RPP14: variants seen among roughly 807,000 people sequenced by gnomAD.
RPP14 encodes the protein ribonuclease P protein subunit p14.
RPP14 carries 19 observed loss-of-function variants against 17.8 expected under a neutral mutation model. The observed-to-expected ratio is 1.07, with a 90% CI of 0.74 to 1.57. The LOEUF (loss-of-function observed/expected upper bound fraction) is 1.57. RPP14 is among the 40% of genes most tolerant of loss of function. The pLI, the probability that RPP14 is intolerant of heterozygous loss-of-function variation, is 0.00. For synonymous variants in RPP14, 60 were observed against 56.4 expected (o/e 1.06, Z -0.29); for missense variants, 125 against 140.8 (o/e 0.89, Z 0.57).
chr3:58,308,850 C>T (rs1055631279), intron 1 of RPP14, among the ~76,000 whole-genome samples: 1 of 131,854 alleles, frequency 7.6e-6, no homozygotes, highest in African/African-American at 2.7e-5. Context: ...CAGAGAAGAC[C>T]TTCATGAAGA....
intron 3 of RPP14, among the ~76,000 whole-genome samples, chr3:58,313,996 T>G (rs1420284108): frequency 6.6e-6 from 1 of 152,206 alleles, no homozygotes; most frequent in Admixed American, 6.5e-5. Context: ...AGGCTGGCTG[T>G]GGTAAACTAT....
At chr3:58,313,525 C>CT (rs1277261712) in intron 3 of RPP14, among the ~76,000 whole-genome samples, 1 of 152,158 alleles carries the variant, frequency 6.6e-6, no homozygotes, top group African/African-American at 2.4e-5. Flanking sequence ...GCAAAAGACT[C>CT]TTAAGAGGAT....
In RPP14 at chr3:58,318,251, A is replaced by G; in HGVS notation, c.*755A>G. The stretch of plus-strand genomic sequence containing the variant: ...ATCTTAGTTAGGGGAAGGGAGCAGG[A>G]AGAGGGTTGTTCAAATGCCCACTTT... On this transcript the variant is annotated 3_prime_UTR_variant, in exon 6 of 6. Coordinates refer to ENST00000295959, the MANE Select transcript of RPP14 (RefSeq NM_007042.6). The G allele has an allele frequency of 7.0e-6, 4 of 572,350 alleles. No homozygotes were observed. The allele number at this position is 572,350 out of a possible 1,614,324, so 35.5% of individuals were successfully genotyped here.
intron 4 of RPP14, 118 bp from the exon 5 acceptor site, chr3:58,316,797 G>A: frequency 1.0e-6 from 1 of 974,058 alleles, no homozygotes; most frequent in Non-Finnish European, 1.6e-6. Flanking sequence ...TACAGCTGTA[G>A]TTTTCCCATT....
rs2097480667 is a variant in RPP14, at chr3:58,310,254, ACT to A, written c.-21-52_-21-51del. The A allele has an allele frequency of 3.6e-6, 5 of 1,402,670 alleles. No individual in the cohort carries two copies. The South Asian group carries it at 6.0e-5, about 17-fold the overall frequency. The allele number at this position is 1,402,670 out of a possible 1,614,324, so 86.9% of individuals were successfully genotyped here. On this transcript the variant is annotated intron_variant, in intron 1 of 5. Coordinates refer to ENST00000295959, the MANE Select transcript of RPP14 (RefSeq NM_007042.6). The stretch of plus-strand genomic sequence containing the variant: ...CCAAATAGGCCAAATTCTCATCAAA[ACT>A]CTGAAAAATAGCATGTGCATTGGTC...
In RPP14 at chr3:58,310,293, T is replaced by G. The variant is rs1259814914; in HGVS notation, c.-21-16T>G. 2.5e-6 allele frequency: 4 copies of G among 1,588,910 alleles called. No homozygotes were observed. The South Asian group carries it at 4.4e-5, about 18-fold the overall frequency. ...CATGTGCATTGGTCATTTCTAGCCC[T>G]CTTGACTTACTGTAGGTGTGATCAG... On this transcript the variant is annotated splice_polypyrimidine_tract_variant and intron_variant, in intron 1 of 5. Coordinates refer to ENST00000295959, the MANE Select transcript of RPP14 (RefSeq NM_007042.6).
intron 3 of RPP14, among the ~76,000 whole-genome samples, chr3:58,314,054 T>C (rs902803311): frequency 5.3e-5 from 8 of 151,950 alleles, no homozygotes; most frequent in Non-Finnish European, 1.2e-4. Context: ...AGACCATGTC[T>C]CAAAAATAAT....
At chr3:58,317,058 A>T (rs962169221) in intron 5 of RPP14, 65 bp downstream of exon 5, 1 of 1,136,424 alleles carries the variant, frequency 8.8e-7, no homozygotes, top group Non-Finnish European at 1.3e-6. Context: ...TTCTTAATAT[A>T]CACAACTCAT....
chr3:58,310,260 A>G (rs2097480669), intron 1 of RPP14, 49 bp from the exon 2 acceptor site: 11 of 1,433,870 alleles, frequency 7.7e-6, no homozygotes, highest in African/African-American at 2.8e-5. Flanking sequence ...CAAAACTCTG[A>G]AAAATAGCAT....
intron 3 of RPP14, 136 bp downstream of exon 3, chr3:58,310,727 C>G: frequency 3.1e-6 from 2 of 638,142 alleles, no homozygotes; most frequent in East Asian, 2.8e-5. Flanking sequence ...GTCAAGAGAT[C>G]GAGACCATCC....
chr3:58,319,962 C>T lies in RPP14; in HGVS notation c.*2466C>T, dbSNP rs919386364. ...TTTTTCATCACCCCCAAAAGAACCT[C>T]CCATTAGCAGTCAATCCATTTCTCT... On this transcript the variant is annotated 3_prime_UTR_variant, in exon 6 of 6. Coordinates refer to ENST00000295959, the MANE Select transcript of RPP14 (RefSeq NM_007042.6). The T allele has an allele frequency of 2.0e-5, 3 of 152,168 alleles. No individual in the cohort carries two copies. Among genetic ancestry groups the T allele is most frequent in the Non-Finnish European group, 4.4e-5 (3 of 68,042 alleles). The allele number at this position is 152,168 out of a possible 1,614,324, so 9.4% of individuals were successfully genotyped here. A position where few individuals can be genotyped will look rare whatever the true frequency, so the allele number is the denominator to read the frequency against.
Position 58,318,020 on chromosome 3 carries a change from T to A in RPP14, c.*524T>A. 1.4e-6 allele frequency: 1 copy of A among 702,880 alleles called. No homozygotes were observed. The highest frequency in any genetic ancestry group is 2.6e-6 in the Non-Finnish European group (1 of 384,982). 43.5% of individuals were successfully genotyped at this position (702,880 alleles called of 1,614,324 possible). A position where few individuals can be genotyped will look rare whatever the true frequency, so the allele number is the denominator to read the frequency against. Reference sequence around the variant, plus strand: ...GCAGAAGTGAAAAAGCTGAAGCGGTTCATTGCTATTATTGCAGTGTCATGT... The same window carrying A: ...GCAGAAGTGAAAAAGCTGAAGCGGTACATTGCTATTATTGCAGTGTCATGT... On this transcript the variant is annotated 3_prime_UTR_variant, in exon 6 of 6. Coordinates refer to ENST00000295959, the MANE Select transcript of RPP14 (RefSeq NM_007042.6).
intron 3 of RPP14, among the ~76,000 whole-genome samples, chr3:58,312,334 A>ACC (rs76719108): frequency 0.011 from 794 of 69,648 alleles, 15 homozygotes; most frequent in African/African-American, 0.039. Flanking sequence ...CAACCTCCGC[A>ACC]CCCCCCCCCG....
At chr3:58,308,863 T>G (rs1391342568) in intron 1 of RPP14, among the ~76,000 whole-genome samples, 1 of 151,928 alleles carries the variant, frequency 6.6e-6, no homozygotes, top group East Asian at 1.9e-4. Flanking sequence ...CATGAAGAGG[T>G]GGTATTTAAA....
chr3:58,310,546 G>C lies in RPP14; in HGVS notation c.117G>C (p.Gln39His). ...QDCGVGLNAA[Q>H]FKQLLISAVK... ...GTGGAGTTGGACTGAATGCTGCACA[G>C]TTCAAACAGCTGCTTATTTCGGCTG... Residue 39 changes from glutamine (Q) to histidine (H), a missense_variant, in exon 3 of 6, where the codon CAG (glutamine) becomes CAC (histidine). Gln to His is a conservative substitution (Grantham distance 24). Coordinates refer to ENST00000295959, the MANE Select transcript of RPP14 (RefSeq NM_007042.6). The C allele has an allele frequency of 1.2e-6, 2 of 1,612,814 alleles. No individual in the cohort carries two copies. The highest frequency in any genetic ancestry group is 2.2e-5 in the South Asian group (2 of 90,972).
Position 58,317,688 on chromosome 3 carries a change from G to A in RPP14, c.*192G>A, listed in dbSNP as rs772742673. On this transcript the variant is annotated 3_prime_UTR_variant, in exon 6 of 6. Transcript: ENST00000295959. ...GGACAGTCTGTCTGAACCTGCCAGT[G>A]CTGACCCTGCAGCACTTTCAGCATA... 5.7e-6 allele frequency: 4 copies of A among 704,888 alleles called. No homozygotes were observed. Among genetic ancestry groups the A allele is most frequent in the Admixed American group, 2.0e-5 (1 of 50,036 alleles). The allele number at this position is 704,888 out of a possible 1,614,324, so 43.7% of individuals were successfully genotyped here. A position where few individuals can be genotyped will look rare whatever the true frequency, so the allele number is the denominator to read the frequency against.
rs1173560924 is a variant in RPP14 at position 58,317,772 on chromosome 3, G to A, written c.*276G>A. The A allele has an allele frequency of 2.8e-6, 2 of 702,994 alleles. No individual in the cohort carries two copies. The highest frequency in any genetic ancestry group is 1.5e-5 in the South Asian group (1 of 67,608). The allele number at this position is 702,994 out of a possible 1,614,324, so 43.5% of individuals were successfully genotyped here. A position where few individuals can be genotyped will look rare whatever the true frequency, so the allele number is the denominator to read the frequency against. Reference sequence around the variant, plus strand: ...GGAGGGCCTTCACACAGACTGATGTGGCTACCTTCTCAGAATTAACAGGGG... The same window carrying A: ...GGAGGGCCTTCACACAGACTGATGTAGCTACCTTCTCAGAATTAACAGGGG... On this transcript the variant is annotated 3_prime_UTR_variant, in exon 6 of 6. Coordinates refer to ENST00000295959, the MANE Select transcript of RPP14 (RefSeq NM_007042.6).
chr3:58,307,976 T>C (rs777230439), intron 1 of RPP14: 1 of 152,088 alleles, frequency 6.6e-6, no homozygotes, highest in Non-Finnish European at 1.5e-5. Context: ...CTCGTGAATG[T>C]TGTGTAAGTC....
intron 1 of RPP14, among the ~76,000 whole-genome samples, chr3:58,308,260 T>C (rs1272530469): frequency 6.6e-6 from 1 of 152,024 alleles, no homozygotes; most frequent in East Asian, 1.9e-4. Context: ...GAATACCTAC[T>C]TTGTGTCATA....
Sources: allele counts gnomAD v4.1 joint callset (sites outside exome capture counted in the v4.1 genomes callset), GRCh38; gene constraint gnomAD v4.1.1; transcripts MANE v1.5; gene names NCBI Gene and HGNC (gene_info 2026-07-23, HGNC 2026-07-21).